PRDM15: variants seen among roughly 807,000 people sequenced by gnomAD.
PRDM15 encodes the protein PR/SET domain 15.
PRDM15 carries 64 observed loss-of-function variants against 128.6 expected under a neutral mutation model. The ratio of observed to expected loss-of-function variants is 0.50; its 90% confidence interval spans 0.41 to 0.61. The LOEUF is 0.61. PRDM15 is among the 20% of genes least tolerant of loss of function. PRDM15 has a pLI of 0.00. For missense variants in PRDM15, 1,242 were observed against 1,569.1 expected (o/e 0.79, Z 3.52); for synonymous variants, 615 against 621.8 (o/e 0.99, Z 0.16).
chr21:41,837,723 A>G (rs1360257519), intron 8 of PRDM15, among the ~76,000 whole-genome samples: 1 of 152,234 alleles, frequency 6.6e-6, no homozygotes, highest in Non-Finnish European at 1.5e-5. Flanking sequence ...GCATTTTTCT[A>G]AAGCTGTTTT....
chr21:41,857,239 C>T lies in PRDM15; in HGVS notation c.222G>A (p.Gln74=), dbSNP rs2145881308. 6.2e-7 allele frequency: 1 copy of T among 1,613,874 alleles called. No homozygotes were observed. Among genetic ancestry groups the T allele is most frequent in the East Asian group, 2.2e-5 (1 of 44,888 alleles). The part of the protein sequence containing the change: ...FAITQLVKRT[Q]FGPFESRRVA... ...CCCTCCTGGACTCAAAGGGACCGAACTGTGTCCGCTTGACGAGCTGAGTGA... is the reference window on the plus strand; with the variant it reads ...CCCTCCTGGACTCAAAGGGACCGAATTGTGTCCGCTTGACGAGCTGAGTGA... Residue 74 remains glutamine, a synonymous_variant, in exon 4 of 24, where the codon CAG becomes CAA. Coordinates refer to ENST00000398548, the MANE Select transcript of PRDM15 (RefSeq NM_001040424.3).
chr21:41,851,192 G>A lies in PRDM15; in HGVS notation c.538+3374C>T, dbSNP rs139142481. ...CTCTCTGGGAGTGTCCACCCCAGAG[G>A]GCACGTCACTGAGCAGGAGTGGGAT... On this transcript the variant is annotated intron_variant, in intron 5 of 23. Transcript: ENST00000398548. 6.6e-5 allele frequency among the ~76,000 whole-genome samples: 10 copies of A among 152,280 alleles called. No homozygotes were observed. The East Asian group carries it at 9.6e-4, about 15-fold the overall frequency.
intron 21 of PRDM15, among the ~76,000 whole-genome samples, chr21:41,806,367 TCACTAC>T (rs2061623273): frequency 8.3e-5 from 1 of 12,022 alleles, no homozygotes; most frequent in Non-Finnish European, 1.6e-4. Flanking sequence ...ACCACCACCA[TCACTAC>T]CACCATCACC....
At chr21:41,847,277 G>A (rs970448034) in intron 5 of PRDM15, 86 bp from the exon 6 acceptor site, 88 of 900,598 alleles carry the variant, frequency 9.8e-5, no homozygotes, top group Non-Finnish European at 1.4e-5. Context: ...GGAGGGGTGT[G>A]TGCTGAGAGG....
Position 41,811,144 on chromosome 21 carries a change from A to C in PRDM15, c.2393-308T>G, listed in dbSNP as rs2061850316. 4 of 367,754 alleles carry C rather than the reference A, an allele frequency of 1.1e-5. No individual in the cohort carries two copies. Among genetic ancestry groups the C allele is most frequent in the Non-Finnish European group, 2.1e-5 (4 of 193,962 alleles). The allele number at this position is 367,754 out of a possible 1,614,324, so 22.8% of individuals were successfully genotyped here. On this transcript the variant is annotated intron_variant, in intron 19 of 23. Transcript: ENST00000398548. This position sits in a 1 kb window ranked among gnomAD's most constrained non-coding sequence, Gnocchi z 4.1. ...CAGAAAAACGATAGGAATTTCTTTA[A>C]AGCATTAATGTATCCACACCTCCCT...
intron 11 of PRDM15, among the ~76,000 whole-genome samples, chr21:41,830,970 G>A (rs1391370550): frequency 6.6e-6 from 1 of 152,122 alleles, no homozygotes; most frequent in Non-Finnish European, 1.5e-5. Context: ...TCCATCAGAT[G>A]TCTCACCAGT....
At chr21:41,853,530 C>T (rs548834017) in intron 5 of PRDM15, among the ~76,000 whole-genome samples, 5 of 152,244 alleles carry the variant, frequency 3.3e-5, no homozygotes, top group African/African-American at 1.2e-4. Flanking sequence ...CAAAAGACAT[C>T]AAATACCAGG....
At chr21:41,842,053 C>T (rs1300884432) in intron 6 of PRDM15, among the ~76,000 whole-genome samples, 1 of 151,960 alleles carries the variant, frequency 6.6e-6, no homozygotes, top group Non-Finnish European at 1.5e-5. Context: ...GTTAGAAAGG[C>T]ACAGAATGAA....
intron 17 of PRDM15, 129 bp from the exon 18 acceptor site, chr21:41,819,830 C>T: frequency 8.0e-7 from 1 of 1,251,860 alleles, no homozygotes; most frequent in Non-Finnish European, 1.1e-6. Flanking sequence ...GGTGGGGTCG[C>T]CTCTTCAGCG....
At position 41,810,102 on chromosome 21, in the gene PRDM15, C is replaced by G; in HGVS notation, c.2652+52G>C. On this transcript the variant is annotated intron_variant, in intron 21 of 23. Coordinates refer to ENST00000398548, the MANE Select transcript of PRDM15 (RefSeq NM_001040424.3). This position sits in a 1 kb window ranked among gnomAD's most constrained non-coding sequence, Gnocchi z 6.4. ...GGGCCATGTGCCAGCATGGGGGTGT[C>G]CGGTGCGCGGCCCGCTGGCGGGGCA... 1 of 1,556,326 alleles carries G rather than the reference C, an allele frequency of 6.4e-7. No individual in the cohort carries two copies.
At chr21:41,801,810 C>T in intron 23 of PRDM15, 88 bp from the exon 24 acceptor site, 3 of 1,395,506 alleles carry the variant, frequency 2.1e-6, no homozygotes, top group South Asian at 1.4e-5. Context: ...TGTGTTACCA[C>T]ACCAAAGAAG....
chr21:41,850,482 C>A lies in PRDM15; in HGVS notation c.539-3291G>T, dbSNP rs148088437. Among the ~76,000 whole-genome samples, 82 of 152,206 alleles carry A rather than the reference C, an allele frequency of 5.4e-4. No homozygotes were observed. The East Asian group carries it at 0.015, about 27-fold the overall frequency. ...GGCACAGTGCTTCACGCCTGGAATC[C>A]CAGCACTTCGGAAGGTGGGAGGATT... On this transcript the variant is annotated intron_variant, in intron 5 of 23. Transcript: ENST00000398548.
intron 11 of PRDM15, among the ~76,000 whole-genome samples, chr21:41,834,331 G>A (rs1348578911): frequency 6.6e-6 from 1 of 152,168 alleles, no homozygotes; most frequent in Non-Finnish European, 1.5e-5. Context: ...AGGGAGCAGG[G>A]CCTCTCACAT....
Position 41,811,080 on chromosome 21 carries a change from G to A in PRDM15, c.2393-244C>T, listed in dbSNP as rs143142893. Reference sequence around the variant, plus strand: ...ACATGAGATGTGGGAAAGGCTGTCTGAAAACACAGACAGAAAGTGGAACCC... The same window carrying A: ...ACATGAGATGTGGGAAAGGCTGTCTAAAAACACAGACAGAAAGTGGAACCC... On this transcript the variant is annotated intron_variant, in intron 19 of 23. Transcript: ENST00000398548. This position sits in a 1 kb window ranked among gnomAD's most constrained non-coding sequence, Gnocchi z 4.1. 9 of 491,486 alleles carry A rather than the reference G, an allele frequency of 1.8e-5. No homozygotes were observed. The highest frequency in any genetic ancestry group is 5.8e-5 in the African/African-American group (3 of 52,102). 30.4% of individuals were successfully genotyped at this position (491,486 alleles called of 1,614,324 possible). A position where few individuals can be genotyped will look rare whatever the true frequency, so the allele number is the denominator to read the frequency against.
intron 1 of PRDM15, among the ~76,000 whole-genome samples, chr21:41,865,422 G>C (rs2063972480): frequency 6.6e-6 from 1 of 152,142 alleles, no homozygotes; most frequent in Non-Finnish European, 1.5e-5. Flanking sequence ...TTGCACAGTG[G>C]GATATACTTG....
intron 1 of PRDM15, among the ~76,000 whole-genome samples, chr21:41,868,954 C>T (rs990386710): frequency 1.3e-5 from 2 of 152,180 alleles, no homozygotes; most frequent in Non-Finnish European, 2.9e-5. Context: ...TCCCAAAGTG[C>T]TGGGATTCCA....
At chr21:41,867,370 A>G in intron 1 of PRDM15, 1 of 1,613,642 alleles carries the variant, frequency 6.2e-7, no homozygotes, top group East Asian at 2.2e-5. Context: ...AGTTTTGTGC[A>G]AAGGGTCCTG....
intron 11 of PRDM15, among the ~76,000 whole-genome samples, chr21:41,834,216 A>G (rs182125841): frequency 2.1e-5 from 3 of 142,550 alleles, no homozygotes; most frequent in African/African-American, 7.7e-5. Context: ...AACCCCAGGA[A>G]GAAGGCATCA....
At chr21:41,845,870 A>C (rs2063249390) in intron 6 of PRDM15, among the ~76,000 whole-genome samples, 1 of 152,124 alleles carries the variant, frequency 6.6e-6, no homozygotes, top group Admixed American at 6.6e-5. Context: ...CACCTGGCGC[A>C]AGCAGCACCC....
Sources: gnomAD v4.1 joint callset for allele counts (sites outside exome capture counted in the v4.1 genomes callset) on GRCh38, gnomAD v4.1.1 for gene constraint, Gnocchi (gnomAD v3.1) non-coding constraint, MANE v1.5 for transcripts, NCBI Gene and HGNC (gene_info 2026-07-23, HGNC 2026-07-21) for gene names.